Variants in DLGAP2 observed in about 807,000 individuals in gnomAD.
The protein encoded by DLGAP2 is disks large-associated protein 2.
In DLGAP2, 26 loss-of-function variants were observed where a neutral mutation model predicts 100.3. That is an observed-to-expected ratio of 0.26 (90% CI 0.19 to 0.36). The LOEUF (loss-of-function observed/expected upper bound fraction) is 0.36. DLGAP2 is among the 10% of genes least tolerant of loss of function. DLGAP2 has a pLI of 1.00. For missense variants in DLGAP2, 1,858 were observed against 1,453.2 expected (o/e 1.28, Z -4.53); for synonymous variants, 886 against 630.1 (o/e 1.41, Z -6.08).
In DLGAP2 at chr8:1,548,966, C is replaced by T. The variant is rs749099434; in HGVS notation, c.513C>T (p.Asp171=). 3.1e-6 allele frequency: 5 copies of T among 1,598,924 alleles called. No homozygotes were observed. The highest frequency in any genetic ancestry group is 1.7e-5 in the Admixed American group (1 of 59,948). Residue 171 remains aspartate (D), a synonymous_variant, in exon 5 of 15, where the codon GAC becomes GAT. Transcript: ENST00000637795. ...FPRMHYSSHY[D]TRDDCAVAHA... ...GGATGCACTACAGCTCGCACTACGA[C>T]ACGCGCGACGACTGCGCTGTGGCCC...
intron 2 of DLGAP2, among the ~76,000 whole-genome samples, chr8:1,083,354 G>A (rs1319042566): frequency 6.6e-6 from 1 of 152,184 alleles, no homozygotes; most frequent in Non-Finnish European, 1.5e-5. Flanking sequence ...CTTTCGGAGA[G>A]GCAGGGGAGA....
chr8:963,181 C>T (rs939836332), intron 2 of DLGAP2, among the ~76,000 whole-genome samples: 4 of 152,178 alleles, frequency 2.6e-5, no homozygotes, highest in Non-Finnish European at 4.4e-5. Flanking sequence ...GAGATGGCCA[C>T]TGGTCTCATA....
At chr8:1,021,271 A>G (rs147193041) in intron 2 of DLGAP2, among the ~76,000 whole-genome samples, 1 of 152,198 alleles carries the variant, frequency 6.6e-6, no homozygotes, top group Non-Finnish European at 1.5e-5. Context: ...CCAGGTGTAC[A>G]GATTATAAGC....
chr8:1,418,737 A>G (rs13268000), intron 3 of DLGAP2, among the ~76,000 whole-genome samples: 45,205 of 152,088 alleles, frequency 0.3, 7,743 homozygotes, highest in East Asian at 0.71. Context: ...CACTACCAGG[A>G]CACCAACTGG....
At chr8:996,181 G>A (rs139579422) in intron 2 of DLGAP2, among the ~76,000 whole-genome samples, 1 of 152,302 alleles carries the variant, frequency 6.6e-6, no homozygotes, top group East Asian at 1.9e-4. Context: ...ACTCACAGAA[G>A]GCAGGAACTC....
At chr8:1,596,450 G>A (rs971143113) in intron 6 of DLGAP2, among the ~76,000 whole-genome samples, 3 of 152,130 alleles carry the variant, frequency 2.0e-5, no homozygotes, top group Admixed American at 1.3e-4. Context: ...ATCACCACAC[G>A]GTCTTCCAGA....
intron 6 of DLGAP2, among the ~76,000 whole-genome samples, chr8:1,573,173 T>C (rs1182618190): frequency 1.5e-5 from 2 of 131,468 alleles, no homozygotes; most frequent in Non-Finnish European, 3.1e-5. Context: ...TCTGATGAGA[T>C]GGAGATGAGA....
intron 2 of DLGAP2, among the ~76,000 whole-genome samples, chr8:1,174,577 C>T (rs1364565652): frequency 2.0e-5 from 3 of 151,994 alleles, no homozygotes; most frequent in Non-Finnish European, 4.4e-5. Flanking sequence ...TCACCACCAC[C>T]ATTACCATCA....
At chr8:1,664,775 C>T (rs1798501669) in intron 8 of DLGAP2, among the ~76,000 whole-genome samples, 1 of 152,218 alleles carries the variant, frequency 6.6e-6, no homozygotes, top group Admixed American at 6.5e-5. Flanking sequence ...GAAAGTCAGT[C>T]AGTGATAATC....
intron 3 of DLGAP2, among the ~76,000 whole-genome samples, chr8:1,476,043 A>G (rs138536306): frequency 2.4e-3 from 362 of 152,314 alleles, no homozygotes; most frequent in African/African-American, 7.7e-3. Context: ...AGCCCAGGGC[A>G]TCCTTCAAAA....
At position 1,645,430 on chromosome 8, in the gene DLGAP2, C is replaced by G. The variant is rs543933592; in HGVS notation, c.1810+12384C>G. On this transcript the variant is annotated intron_variant, in intron 8 of 14. Coordinates refer to ENST00000637795, the MANE Select transcript of DLGAP2 (RefSeq NM_001346810.2). The stretch of plus-strand genomic sequence containing the variant: ...ATTAGGAGTAGGCTGGGCTAAGTTA[C>G]GATGTTTGGTGGGTTAAATGTATTA... 3.4e-4 allele frequency among the ~76,000 whole-genome samples: 51 copies of G among 152,138 alleles called. 1 individual carries two copies. The highest frequency in any genetic ancestry group is 5.1e-4 in the Non-Finnish European group (35 of 68,024).
chr8:1,237,352 G>T (rs1329394796), intron 2 of DLGAP2, among the ~76,000 whole-genome samples: 2 of 98,754 alleles, frequency 2.0e-5, no homozygotes, highest in Admixed American at 9.4e-5. Context: ...GCCGTGTCTA[G>T]TTCTCTCACA....
chr8:1,005,582 TA>T (rs1213673890), intron 2 of DLGAP2, among the ~76,000 whole-genome samples: 1 of 84,130 alleles, frequency 1.2e-5, no homozygotes, highest in Admixed American at 1.5e-4. Flanking sequence ...CTTGCCCAGC[TA>T]ATTTTTTTTT....
intron 3 of DLGAP2, among the ~76,000 whole-genome samples, chr8:1,292,566 T>C (rs1800083277): frequency 6.6e-6 from 1 of 152,236 alleles, no homozygotes; most frequent in Admixed American, 6.5e-5. Context: ...ATATATGTGG[T>C]ATAATTTTAT....
chr8:1,376,184 A>C (rs1390339538), intron 3 of DLGAP2, among the ~76,000 whole-genome samples: 1 of 152,086 alleles, frequency 6.6e-6, no homozygotes, highest in Non-Finnish European at 1.5e-5. Context: ...CCATGAAAGG[A>C]ATCAGAATGA....
At chr8:1,134,374 G>A (rs989706563) in intron 2 of DLGAP2, among the ~76,000 whole-genome samples, 3 of 152,160 alleles carry the variant, frequency 2.0e-5, no homozygotes, top group African/African-American at 7.2e-5. Context: ...TGGTGCAATG[G>A]TAGTTCTGTT....
chr8:1,414,310 G>C (rs1796817556), intron 3 of DLGAP2, among the ~76,000 whole-genome samples: 1 of 152,236 alleles, frequency 6.6e-6, no homozygotes. Context: ...TTTCACAGTT[G>C]TCAGAATGAG....
At chr8:1,296,603 T>C (rs1390484325) in intron 3 of DLGAP2, among the ~76,000 whole-genome samples, 2 of 152,208 alleles carry the variant, frequency 1.3e-5, no homozygotes, top group Admixed American at 6.5e-5. Flanking sequence ...TGGGGTAGCA[T>C]AAAAGCTGTT....
intron 2 of DLGAP2, among the ~76,000 whole-genome samples, chr8:1,122,105 T>C (rs1796063076): frequency 1.3e-5 from 2 of 152,190 alleles, no homozygotes; most frequent in Non-Finnish European, 2.9e-5. Context: ...AGGTGAACTT[T>C]GAGCCAGATG....
Sources: allele counts gnomAD v4.1 joint callset (sites outside exome capture counted in the v4.1 genomes callset), GRCh38; gene constraint gnomAD v4.1.1; transcripts MANE v1.5; gene names NCBI Gene and HGNC (gene_info 2026-07-23, HGNC 2026-07-21).